The following PTPRE variants were observed in gnomAD, a reference collection of about 807,000 sequenced individuals.
PTPRE encodes protein tyrosine phosphatase receptor type E.
A neutral mutation model predicts 102.0 loss-of-function variants in PTPRE; 51 were observed. The observed-to-expected ratio is 0.50, with a 90% CI of 0.40 to 0.63. The LOEUF is 0.63. Among genes scored for constraint, PTPRE ranks in the 30% least tolerant of loss-of-function variants. PTPRE has a pLI of 0.00. For synonymous variants in PTPRE, 345 were observed against 348.2 expected (o/e 0.99, Z 0.10); for missense variants, 752 against 915.1 (o/e 0.82, Z 2.30).
At chr10:128,042,186 G>C (rs910142218) in intron 3 of PTPRE, among the ~76,000 whole-genome samples, 2 of 152,072 alleles carry the variant, frequency 1.3e-5, no homozygotes, top group African/African-American at 2.4e-5. Context: ...AACGCTAATC[G>C]ACTGGCCACG....
At chr10:127,958,807 C>T (rs1370470461) in intron 1 of PTPRE, among the ~76,000 whole-genome samples, 2 of 151,736 alleles carry the variant, frequency 1.3e-5, no homozygotes, top group African/African-American at 2.4e-5. Context: ...ACCAGTGACT[C>T]ATCTGTGCCT....
At chr10:127,909,504 C>T (rs569029447) in intron 1 of PTPRE, among the ~76,000 whole-genome samples, 2 of 152,182 alleles carry the variant, frequency 1.3e-5, no homozygotes, top group Non-Finnish European at 1.5e-5. Flanking sequence ...AGTTCTCCTC[C>T]GCAGCTGCCC....
intron 1 of PTPRE, among the ~76,000 whole-genome samples, chr10:127,953,055 G>T (rs1399495211): frequency 6.6e-6 from 1 of 152,218 alleles, no homozygotes; most frequent in African/African-American, 2.4e-5. Context: ...AAAGTGCCTA[G>T]TGAAACTATT....
chr10:128,069,597 A>T, intron 12 of PTPRE, 95 bp from the exon 13 acceptor site: 1 of 1,528,982 alleles, frequency 6.5e-7, no homozygotes. Context: ...AAAAAGTTGC[A>T]TCCAGTGACC....
intron 8 of PTPRE, among the ~76,000 whole-genome samples, chr10:128,061,336 AT>A (rs1849573726): frequency 6.6e-6 from 1 of 152,244 alleles, no homozygotes; most frequent in African/African-American, 2.4e-5. Flanking sequence ...ATTTGTATTA[AT>A]CTTTAAAAGA....
At chr10:128,043,077 C>T (rs573902676) in intron 3 of PTPRE, among the ~76,000 whole-genome samples, 5 of 152,242 alleles carry the variant, frequency 3.3e-5, no homozygotes, top group African/African-American at 4.8e-5. Context: ...GGCAGCATTC[C>T]GCAACCTTTG....
chr10:127,942,284 A>G (rs1488424193), intron 1 of PTPRE, among the ~76,000 whole-genome samples: 1 of 152,216 alleles, frequency 6.6e-6, no homozygotes, highest in Non-Finnish European at 1.5e-5. Context: ...AAACGGAAGA[A>G]TGTTGAGGAA....
chr10:127,909,967 C>T (rs143401513), intron 1 of PTPRE, among the ~76,000 whole-genome samples: 1 of 152,226 alleles, frequency 6.6e-6, no homozygotes, highest in East Asian at 1.9e-4. Flanking sequence ...CAGAGACACC[C>T]CAAGTGACCT....
chr10:127,937,664 G>A (rs1027111385), intron 1 of PTPRE, among the ~76,000 whole-genome samples: 1 of 150,892 alleles, frequency 6.6e-6, no homozygotes, highest in Non-Finnish European at 1.5e-5. Context: ...TTTGAGACCA[G>A]CCTGGCCAAC....
At chr10:128,063,588 G>T (rs1486206544) in intron 10 of PTPRE, among the ~76,000 whole-genome samples, 1 of 152,174 alleles carries the variant, frequency 6.6e-6, no homozygotes, top group Non-Finnish European at 1.5e-5. Context: ...TTTGGAAAAC[G>T]TTGGTATATT....
At chr10:127,953,979 A>G (rs1341070954) in intron 1 of PTPRE, among the ~76,000 whole-genome samples, 1 of 152,224 alleles carries the variant, frequency 6.6e-6, no homozygotes, top group Non-Finnish European at 1.5e-5. Context: ...GGTGACAAAG[A>G]AATTTGAGGA....
At chr10:127,922,227 A>G (rs937457909) in intron 1 of PTPRE, among the ~76,000 whole-genome samples, 4 of 152,266 alleles carry the variant, frequency 2.6e-5, no homozygotes, top group African/African-American at 9.6e-5. Context: ...CCATTCATTC[A>G]TTCACTGTCT....
At chr10:128,073,181 G>A (rs1850932732) in intron 16 of PTPRE, among the ~76,000 whole-genome samples, 156 bp from the exon 17 acceptor site, 1 of 152,222 alleles carries the variant, frequency 6.6e-6, no homozygotes, top group African/African-American at 2.4e-5. Flanking sequence ...TGTCAGGTGT[G>A]TGCCTGAGTG....
chr10:128,047,330 G>T, intron 3 of PTPRE, 60 bp from the exon 4 acceptor site: 1 of 1,574,906 alleles, frequency 6.3e-7, no homozygotes, highest in Non-Finnish European at 8.6e-7. Flanking sequence ...TATGGAGGGA[G>T]ACTCTTTTGC....
intron 1 of PTPRE, among the ~76,000 whole-genome samples, chr10:127,928,806 T>C (rs2135222713): frequency 6.6e-6 from 1 of 152,348 alleles, no homozygotes; most frequent in African/African-American, 2.4e-5. Flanking sequence ...ATAGCATTCA[T>C]TTTTATATCA....
chr10:127,956,787 A>G (rs1029536287), intron 1 of PTPRE, among the ~76,000 whole-genome samples: 14 of 152,112 alleles, frequency 9.2e-5, no homozygotes, highest in Admixed American at 8.5e-4. Context: ...GTGGTGTCAT[A>G]TTGTTGCTTT....
At chr10:127,953,931 G>T (rs575618011) in intron 1 of PTPRE, among the ~76,000 whole-genome samples, 1 of 152,234 alleles carries the variant, frequency 6.6e-6, no homozygotes, top group Non-Finnish European at 1.5e-5. Context: ...GATTTGGCCA[G>T]AAGGTCAGGG....
intron 2 of PTPRE, among the ~76,000 whole-genome samples, chr10:127,988,226 C>A (rs1852273106): frequency 6.6e-6 from 1 of 152,140 alleles, no homozygotes; most frequent in South Asian, 2.1e-4. Flanking sequence ...CTGGGGGTGG[C>A]CCCCTGTGGA....
intron 13 of PTPRE, 118 bp downstream of exon 13, chr10:128,069,945 GC>G: frequency 2.0e-6 from 3 of 1,486,628 alleles, no homozygotes; most frequent in Non-Finnish European, 2.8e-6. Flanking sequence ...CCTGGGCCTG[GC>G]CTGGCTTCGC....
Sources: allele counts gnomAD v4.1 joint callset (sites outside exome capture counted in the v4.1 genomes callset), GRCh38; gene constraint gnomAD v4.1.1; transcripts MANE v1.5; gene names NCBI Gene and HGNC (gene_info 2026-07-23, HGNC 2026-07-21).